PARD3B: variants seen among roughly 807,000 people sequenced by gnomAD.
PARD3B encodes the protein par-3 family cell polarity regulator beta, also known as partitioning defective 3 homolog B.
Under a neutral mutation model 130.2 loss-of-function variants are expected in PARD3B, and 103 were observed. The observed-to-expected ratio is 0.79, with a 90% confidence interval of 0.67 to 0.93. PARD3B has a LOEUF of 0.93. Among genes scored for constraint, PARD3B ranks in the 40% least tolerant of loss-of-function variants. PARD3B has a pLI of 0.00. For synonymous variants in PARD3B, 583 were observed against 553.2 expected, an observed-to-expected ratio of 1.05 and a Z score of -0.76; for missense variants, 1,609 against 1,499.2, an observed-to-expected ratio of 1.07 and a Z score of -1.21.
At chr2:204,576,813 A>G (rs1485545741) in intron 1 of PARD3B, among the ~76,000 whole-genome samples, 1 of 152,174 alleles carries the variant, frequency 6.6e-6, no homozygotes, top group Non-Finnish European at 1.5e-5. Flanking sequence ...AGGCACACTC[A>G]TGAGAGGGTT....
chr2:205,518,067 G>A (rs1316546299), intron 21 of PARD3B, among the ~76,000 whole-genome samples: 1 of 152,128 alleles, frequency 6.6e-6, no homozygotes, highest in South Asian at 2.1e-4. Flanking sequence ...TGTTGTTTTT[G>A]GGTGGAGAGT....
chr2:205,236,409 C>T (rs1185314842), intron 15 of PARD3B, among the ~76,000 whole-genome samples: 1 of 53,960 alleles, frequency 1.9e-5, no homozygotes, highest in Non-Finnish European at 3.5e-5. Context: ...GATTGATATC[C>T]TTCTTGAATT....
chr2:205,443,054 C>T (rs1203625859), intron 20 of PARD3B, among the ~76,000 whole-genome samples: 1 of 152,174 alleles, frequency 6.6e-6, no homozygotes, highest in Non-Finnish European at 1.5e-5. Context: ...GACTGCCCTG[C>T]TCCTTGTTCT....
At chr2:204,640,436 T>C (rs2035036639) in intron 1 of PARD3B, among the ~76,000 whole-genome samples, 1 of 152,158 alleles carries the variant, frequency 6.6e-6, no homozygotes, top group Non-Finnish European at 1.5e-5. Context: ...AGAGTAGTCA[T>C]TGTCCTGGTG....
chr2:204,682,445 T>C (rs1415505459), intron 1 of PARD3B, among the ~76,000 whole-genome samples: 3 of 152,204 alleles, frequency 2.0e-5, no homozygotes, highest in Non-Finnish European at 2.9e-5. Flanking sequence ...CTATAGTACC[T>C]GACCTATAGG....
intron 20 of PARD3B, among the ~76,000 whole-genome samples, chr2:205,444,228 C>T (rs975403040): frequency 5.3e-5 from 8 of 152,136 alleles, no homozygotes; most frequent in Non-Finnish European, 1.0e-4. Context: ...GGTGATCTGC[C>T]CCCCTTGGCC....
In PARD3B at chr2:205,618,415, T is replaced by C. The variant is rs1034376878; in HGVS notation, c.*2602T>C. ...CCCAGCATTTAGGGGAACAGGCTTT[T>C]AGAGTATTTAGAAGACCAGGCTATA... is the stretch of plus-strand genomic sequence containing the variant. On this transcript the variant is annotated 3_prime_UTR_variant, in exon 23 of 23. Transcript: ENST00000406610. 6.6e-6 allele frequency: 1 copy of C among 152,208 alleles called. No individual in the cohort carries two copies. Among genetic ancestry groups the C allele is most frequent in the Admixed American group, 6.5e-5 (1 of 15,278 alleles). The allele number at this position is 152,208 out of a possible 1,614,324, so 9.4% of individuals were successfully genotyped here.
At chr2:205,197,700 G>C (rs542648617) in intron 15 of PARD3B, among the ~76,000 whole-genome samples, 1 of 152,268 alleles carries the variant, frequency 6.6e-6, no homozygotes, top group Non-Finnish European at 1.5e-5. Flanking sequence ...AAAGGGGTTA[G>C]GGTGTCACTT....
chr2:205,296,781 A>G (rs1435993205), intron 16 of PARD3B, among the ~76,000 whole-genome samples: 1 of 151,026 alleles, frequency 6.6e-6, no homozygotes, highest in Non-Finnish European at 1.5e-5. Flanking sequence ...AGAAGACATG[A>G]CCCTGAAATT....
chr2:204,673,100 G>A lies in PARD3B; in HGVS notation c.121-13081G>A, dbSNP rs111411432. ...GTGGTAAATTTTGAATTTCAGCCTA[G>A]TCTTACTTTAAAGCTCATACTTTTT... is the stretch of plus-strand genomic sequence containing the variant. On this transcript the variant is annotated intron_variant, in intron 1 of 22. Coordinates refer to ENST00000406610, the MANE Select transcript of PARD3B (RefSeq NM_001302769.2). This position sits in a 1 kb window ranked among gnomAD's most constrained non-coding sequence, Gnocchi z 4.7. 8.3e-3 allele frequency among the ~76,000 whole-genome samples: 1,257 copies of A among 152,244 alleles called. 10 individuals are homozygous for A. Among genetic ancestry groups the A allele is most frequent in the African/African-American group, 0.028 (1,155 of 41,538 alleles).
chr2:205,337,130 A>T (rs1282131161), intron 18 of PARD3B, among the ~76,000 whole-genome samples: 2 of 152,190 alleles, frequency 1.3e-5, no homozygotes, highest in Non-Finnish European at 2.9e-5. Context: ...GACAATTCCA[A>T]ATTTAGCAGA....
chr2:205,085,307 G>A (rs1473755455), intron 4 of PARD3B, among the ~76,000 whole-genome samples: 1 of 151,554 alleles, frequency 6.6e-6, no homozygotes, highest in African/African-American at 2.4e-5. Flanking sequence ...GCCTTTCAAT[G>A]TTGTCATATT....
rs1320084829 is a variant in PARD3B, at chr2:205,590,180, C to CTG, written c.3261-25275_3261-25274insGT. Among the ~76,000 whole-genome samples, 2 of 152,156 alleles carry CTG rather than the reference C, an allele frequency of 1.3e-5. No individual in the cohort carries two copies. Among genetic ancestry groups the CTG allele is most frequent in the Non-Finnish European group, 2.9e-5 (2 of 68,026 alleles). Reference sequence around the variant, plus strand: ...ATTTATCCAATACAGGAAAAGAAATCTATTGGTAGATGTAACTGAATTGAA... The same window carrying CTG: ...ATTTATCCAATACAGGAAAAGAAATCTGTATTGGTAGATGTAACTGAATTGAA... On this transcript the variant is annotated intron_variant, in intron 22 of 22. Transcript: ENST00000406610. The surrounding 1 kb of genome is among the most constrained non-coding windows in gnomAD (Gnocchi z 4.1).
At position 205,300,616 on chromosome 2, in the gene PARD3B, A is replaced by G; in HGVS notation, c.2272A>G (p.Arg758Gly). ...TCTGCAGACTGCAGTGGCCGAGGTCAGGAAGAATGACCTTCCCTTTCACAG... is the reference window on the plus strand; with the variant it reads ...TCTGCAGACTGCAGTGGCCGAGGTCGGGAAGAATGACCTTCCCTTTCACAG... ...ESLQTAVAEVRKNDLPFHRPR... is the reference protein window; with the variant it reads ...ESLQTAVAEVGKNDLPFHRPR... Residue 758 changes from arginine (R) to glycine (G), a missense_variant, in exon 17 of 23, where the codon AGG (arginine) becomes GGG (glycine). Coordinates refer to ENST00000406610, the MANE Select transcript of PARD3B (RefSeq NM_001302769.2). The surrounding 1 kb of genome is among the most constrained non-coding windows in gnomAD (Gnocchi z 4.1). The G allele has an allele frequency of 1.2e-6, 2 of 1,613,970 alleles. No homozygotes were observed. Among genetic ancestry groups the G allele is most frequent in the African/African-American group, 1.3e-5 (1 of 75,058 alleles).
At chr2:204,600,524 C>T (rs560346324) in intron 1 of PARD3B, among the ~76,000 whole-genome samples, 1 of 151,836 alleles carries the variant, frequency 6.6e-6, no homozygotes, top group Admixed American at 6.6e-5. Context: ...GGTCTGTGTG[C>T]CTGCTTTTAT....
At chr2:204,636,197 G>T (rs1434879706) in intron 1 of PARD3B, among the ~76,000 whole-genome samples, 1 of 152,082 alleles carries the variant, frequency 6.6e-6, no homozygotes, top group Non-Finnish European at 1.5e-5. Context: ...TGTTTTTGAT[G>T]ATGCTTTATT....
intron 15 of PARD3B, among the ~76,000 whole-genome samples, chr2:205,201,055 G>T (rs2036960971): frequency 6.6e-6 from 1 of 152,086 alleles, no homozygotes; most frequent in South Asian, 2.1e-4. Context: ...TCAATTATGG[G>T]TACAATATTT....
chr2:204,894,766 C>T (rs562221599), intron 2 of PARD3B, among the ~76,000 whole-genome samples: 28 of 151,906 alleles, frequency 1.8e-4, no homozygotes, highest in Non-Finnish European at 3.7e-4. Flanking sequence ...AATTAAATTT[C>T]TTGGGTTTGT....
chr2:205,133,736 G>A (rs1397655807), intron 10 of PARD3B, among the ~76,000 whole-genome samples: 1 of 152,194 alleles, frequency 6.6e-6, no homozygotes, highest in African/African-American at 2.4e-5. Flanking sequence ...GGCCAGTGCT[G>A]AGTGCAATGC....
Sources: gnomAD v4.1 joint callset for allele counts (sites outside exome capture counted in the v4.1 genomes callset) on GRCh38, gnomAD v4.1.1 for gene constraint, Gnocchi (gnomAD v3.1) non-coding constraint, MANE v1.5 for transcripts, NCBI Gene and HGNC (gene_info 2026-07-23, HGNC 2026-07-21) for gene names.